The following EPHA6 variants were observed in gnomAD, a reference collection of about 807,000 sequenced individuals.
EPHA6 encodes EPH receptor A6, also known as ephrin type-A receptor 6.
EPHA6 carries 50 observed loss-of-function variants against 112.0 expected under a neutral mutation model. That is an observed-to-expected ratio of 0.45 (90% confidence interval 0.36 to 0.56). The LOEUF (loss-of-function observed/expected upper bound fraction) is 0.56, where lower values mean the gene tolerates loss of function less well. Among genes scored for constraint, EPHA6 ranks in the 20% least tolerant of loss-of-function variants. EPHA6 has a pLI of 0.00. For missense variants in EPHA6, 1,280 were observed against 1,417.4 expected, an observed-to-expected ratio of 0.90 and a Z score of 1.56; for synonymous variants, 529 against 490.7, an observed-to-expected ratio of 1.08 and a Z score of -1.03.
intron 7 of EPHA6, among the ~76,000 whole-genome samples, chr3:97,462,539 A>T (rs2090924568): frequency 6.6e-6 from 1 of 152,180 alleles, no homozygotes; most frequent in South Asian, 2.1e-4. Flanking sequence ...TAAAATTAAA[A>T]TAATAGTCAT....
At chr3:96,978,378 T>G (rs9857025) in intron 2 of EPHA6, among the ~76,000 whole-genome samples, 48,962 of 151,722 alleles carry the variant, frequency 0.32, 8,505 homozygotes, top group African/African-American at 0.46. Context: ...TGTGTTCAGG[T>G]TTCATCTTTA....
At chr3:97,649,285 C>G (rs2094090419) in intron 14 of EPHA6, among the ~76,000 whole-genome samples, 1 of 151,972 alleles carries the variant, frequency 6.6e-6, no homozygotes, top group African/African-American at 2.4e-5. Context: ...AACCATCACA[C>G]CTTGTGATGG....
intron 4 of EPHA6, among the ~76,000 whole-genome samples, chr3:97,230,748 A>C (rs2078499437): frequency 1.3e-5 from 2 of 152,308 alleles, no homozygotes; most frequent in South Asian, 4.1e-4. Flanking sequence ...CTCTGAGTTT[A>C]GGTTTAAATA....
chr3:96,944,542 G>A (rs956453925), intron 2 of EPHA6, among the ~76,000 whole-genome samples: 1 of 152,114 alleles, frequency 6.6e-6, no homozygotes, highest in African/African-American at 2.4e-5. Flanking sequence ...TGTATATCAG[G>A]CATCTTATCC....
intron 3 of EPHA6, among the ~76,000 whole-genome samples, chr3:97,154,253 G>A (rs564147775): frequency 6.6e-5 from 10 of 150,806 alleles, no homozygotes; most frequent in East Asian, 1.9e-4. Context: ...GATATGTCTC[G>A]TCTTTTTCTT....
chr3:97,258,248 AT>A (rs1450416728), intron 5 of EPHA6, among the ~76,000 whole-genome samples: 9 of 148,414 alleles, frequency 6.1e-5, no homozygotes, highest in African/African-American at 2.1e-4. Context: ...GAGTATATAT[AT>A]ATACACACAC....
At chr3:97,072,017 A>G (rs568905176) in intron 3 of EPHA6, among the ~76,000 whole-genome samples, 5 of 152,054 alleles carry the variant, frequency 3.3e-5, no homozygotes, top group African/African-American at 9.7e-5. Flanking sequence ...ATGGTCTCCA[A>G]TTTGATTCAG....
chr3:96,888,294 C>T (rs1290338904), intron 2 of EPHA6, among the ~76,000 whole-genome samples: 1 of 152,186 alleles, frequency 6.6e-6, no homozygotes, highest in Non-Finnish European at 1.5e-5. Flanking sequence ...TCGCTCGGCT[C>T]TCCAAATTGA....
At position 97,704,962 on chromosome 3, in the gene EPHA6, C is replaced by T. The variant is rs561101434; in HGVS notation, c.2785-15299C>T. Among the ~76,000 whole-genome samples, 3 of 152,130 alleles carry T rather than the reference C, an allele frequency of 2.0e-5. No individual in the cohort carries two copies. In the South Asian group the frequency reaches 6.2e-4, roughly 32 times the overall value. On this transcript the variant is annotated intron_variant, in intron 14 of 17. Coordinates refer to ENST00000389672, the MANE Select transcript of EPHA6 (RefSeq NM_001080448.3). ...TACTCTCCTATTTTCCTTCTATTTCCCCTTCAGCAATCCACAGAGCAGCCA... is the reference window on the plus strand; with the variant it reads ...TACTCTCCTATTTTCCTTCTATTTCTCCTTCAGCAATCCACAGAGCAGCCA...
At chr3:97,663,340 C>CT (rs914707045) in intron 14 of EPHA6, among the ~76,000 whole-genome samples, 9 of 149,738 alleles carry the variant, frequency 6.0e-5, no homozygotes, top group African/African-American at 1.7e-4. Flanking sequence ...TTTATATATA[C>CT]TTTTTTTATT....
At chr3:97,671,898 A>G (rs1323564119) in intron 14 of EPHA6, among the ~76,000 whole-genome samples, 2 of 152,220 alleles carry the variant, frequency 1.3e-5, no homozygotes, top group East Asian at 3.9e-4. Context: ...GGTTTAACCT[A>G]CTTCTCTATG....
At chr3:97,598,344 C>T (rs1431280520) in intron 12 of EPHA6, among the ~76,000 whole-genome samples, 1 of 150,610 alleles carries the variant, frequency 6.6e-6, no homozygotes, top group Non-Finnish European at 1.5e-5. Context: ...ATACATGTGC[C>T]ATGCTGGTGC....
intron 1 of EPHA6, among the ~76,000 whole-genome samples, chr3:96,829,982 C>CACACAT (rs1553713444): frequency 0.023 from 3,398 of 148,198 alleles, 46 homozygotes; most frequent in African/African-American, 0.028. Flanking sequence ...CACACACACA[C>CACACAT]ACACACAGAA....
intron 6 of EPHA6, among the ~76,000 whole-genome samples, chr3:97,419,557 G>A (rs370801628): frequency 3.3e-5 from 5 of 152,068 alleles, no homozygotes; most frequent in African/African-American, 7.2e-5. Context: ...CCTGGGAGGC[G>A]GAGGTTGCAG....
intron 3 of EPHA6, among the ~76,000 whole-genome samples, chr3:96,997,915 A>C (rs1032167592): frequency 6.6e-6 from 1 of 152,040 alleles, no homozygotes; most frequent in Non-Finnish European, 1.5e-5. Context: ...ATTGCAATAA[A>C]GTTCAGTAAA....
At chr3:96,859,900 ATTTT>A (rs1414949873) in intron 1 of EPHA6, among the ~76,000 whole-genome samples, 2 of 152,064 alleles carry the variant, frequency 1.3e-5, no homozygotes, top group Non-Finnish European at 2.9e-5. Context: ...AGCTGCAGTC[ATTTT>A]TTGTCTGCAC....
At chr3:97,044,143 A>G (rs1021787930) in intron 3 of EPHA6, among the ~76,000 whole-genome samples, 3 of 152,218 alleles carry the variant, frequency 2.0e-5, no homozygotes, top group South Asian at 4.1e-4. Context: ...TACATGTGAC[A>G]AAGTCCTTTT....
At chr3:97,441,368 G>A (rs972900464) in intron 6 of EPHA6, 10 of 657,900 alleles carry the variant, frequency 1.5e-5, no homozygotes, top group African/African-American at 2.0e-5. Context: ...CAGATAAATT[G>A]TTTTATAACA....
intron 2 of EPHA6, among the ~76,000 whole-genome samples, chr3:96,913,854 C>T (rs2039353176): frequency 6.6e-6 from 1 of 152,058 alleles, no homozygotes; most frequent in South Asian, 2.1e-4. Flanking sequence ...TGTTTCCTTT[C>T]TGAATGCATT....
Sources: allele counts gnomAD v4.1 joint callset (sites outside exome capture counted in the v4.1 genomes callset), GRCh38; gene constraint gnomAD v4.1.1; transcripts MANE v1.5; gene names NCBI Gene and HGNC (gene_info 2026-07-23, HGNC 2026-07-21).